RNLS: variants seen among roughly 807,000 people sequenced by gnomAD.
RNLS encodes the protein renalase.
In RNLS, 39 loss-of-function variants were observed where a neutral mutation model predicts 39.8. The observed-to-expected ratio is 0.98, with a 90% CI of 0.76 to 1.28. The LOEUF (loss-of-function observed/expected upper bound fraction) is 1.28. Ranked by LOEUF, RNLS falls within the 50% of genes most tolerant of loss-of-function variation. The pLI is 0.00. For missense variants in RNLS, 410 were observed against 413.3 expected, an observed-to-expected ratio of 0.99 and a Z score of 0.07; for synonymous variants, 147 against 150.7, an observed-to-expected ratio of 0.98 and a Z score of 0.18.
rs1174268534 is a variant in RNLS, at chr10:88,575,124, G to GTATA, written c.368-2067_368-2064dup. On this transcript the variant is annotated intron_variant, in intron 3 of 6. Transcript: ENST00000331772. ...CAATGGCCACAAGGTGTTCTGCAAA[G>GTATA]TATATATATATATATATATATATAT... Among the ~76,000 whole-genome samples the GTATA allele has an allele frequency of 2.7e-3, 268 of 98,888 alleles. 1 individual carries two copies. Among genetic ancestry groups the GTATA allele is most frequent in the Non-Finnish European group, 3.9e-3 (199 of 51,674 alleles). The allele number at this position is 98,888 out of a possible 152,430, so 64.9% of individuals were successfully genotyped here. A position where few individuals can be genotyped will look rare whatever the true frequency, so the allele number is the denominator to read the frequency against.
intron 4 of RNLS, among the ~76,000 whole-genome samples, chr10:88,427,512 A>AACT (rs772307753): frequency 3.9e-5 from 6 of 151,972 alleles, no homozygotes; most frequent in Non-Finnish European, 8.8e-5. Flanking sequence ...GACACATTTC[A>AACT]ACTTGTAAAC....
At chr10:88,354,215 A>C (rs1254413462) in intron 5 of RNLS, among the ~76,000 whole-genome samples, 1 of 152,180 alleles carries the variant, frequency 6.6e-6, no homozygotes, top group South Asian at 2.1e-4. Context: ...GCCTGTTTAC[A>C]TGTAAAGTTA....
At chr10:88,407,249 C>G (rs780111219) in intron 4 of RNLS, among the ~76,000 whole-genome samples, 27 of 151,974 alleles carry the variant, frequency 1.8e-4, no homozygotes, top group Admixed American at 1.7e-3. Flanking sequence ...ATGTGGAATA[C>G]GCCAGCCCAC....
chr10:88,545,580 C>A, intron 4 of RNLS: 2 of 412,902 alleles, frequency 4.8e-6, no homozygotes, highest in Non-Finnish European at 9.8e-6. Context: ...AGTTACCTCC[C>A]ACTGGGTCCC....
At chr10:88,421,438 G>A (rs946814866) in intron 4 of RNLS, among the ~76,000 whole-genome samples, 2 of 152,022 alleles carry the variant, frequency 1.3e-5, no homozygotes, top group African/African-American at 4.8e-5. Flanking sequence ...TCTGTGACAC[G>A]GCCTTGTCCC....
chr10:88,346,038 C>A (rs1307815970), intron 5 of RNLS, among the ~76,000 whole-genome samples: 1 of 152,010 alleles, frequency 6.6e-6, no homozygotes, highest in Admixed American at 6.6e-5. Context: ...ATGAACTCAT[C>A]ATTTATGGCA....
the RNLS span, among the ~76,000 whole-genome samples, chr10:88,268,568 AAAG>A: frequency 1.3e-5 from 2 of 152,216 alleles, no homozygotes; most frequent in Admixed American, 1.3e-4. Context: ...GGCTTAAGCG[AAAG>A]AAGAACTTAT....
At chr10:88,449,314 T>C (rs1842229894) in intron 4 of RNLS, among the ~76,000 whole-genome samples, 1 of 152,232 alleles carries the variant, frequency 6.6e-6, no homozygotes, top group Non-Finnish European at 1.5e-5. Context: ...TAAATGCTTG[T>C]TATTCCCAAA....
At chr10:88,312,651 TAAAAC>T (rs1320042606) in intron 6 of RNLS, among the ~76,000 whole-genome samples, 3 of 152,300 alleles carry the variant, frequency 2.0e-5, no homozygotes, top group Non-Finnish European at 2.9e-5. Flanking sequence ...TATAGAGAGT[TAAAAC>T]TAACAAACTC....
chr10:88,506,211 AG>A (rs1845784514), intron 4 of RNLS, among the ~76,000 whole-genome samples: 1 of 152,178 alleles, frequency 6.6e-6, no homozygotes, highest in Non-Finnish European at 1.5e-5. Flanking sequence ...AGAGCCAGGA[AG>A]AAATGGTGGA....
the RNLS span, among the ~76,000 whole-genome samples, chr10:88,188,184 A>G: frequency 6.6e-6 from 1 of 152,030 alleles, no homozygotes; most frequent in Non-Finnish European, 1.5e-5. Flanking sequence ...AGCCTCCTGC[A>G]TAGCTAGGAC....
chr10:88,454,467 G>C (rs988305667), intron 4 of RNLS, among the ~76,000 whole-genome samples: 5 of 152,186 alleles, frequency 3.3e-5, no homozygotes, highest in Admixed American at 2.0e-4. Flanking sequence ...ATTTTAGCAG[G>C]GGCTTTGTTC....
the RNLS span, among the ~76,000 whole-genome samples, chr10:88,206,922 G>C: frequency 6.6e-6 from 1 of 152,134 alleles, no homozygotes; most frequent in Non-Finnish European, 1.5e-5. Context: ...AGCCTTGCCT[G>C]ATATAAAATT....
At chr10:88,423,079 G>A (rs571192707) in intron 4 of RNLS, among the ~76,000 whole-genome samples, 73 of 152,198 alleles carry the variant, frequency 4.8e-4, no homozygotes, top group African/African-American at 1.4e-3. Flanking sequence ...AACACTTTTC[G>A]AAATGCAACA....
chr10:88,445,031 T>C (rs1243197272), intron 4 of RNLS, among the ~76,000 whole-genome samples: 2 of 151,528 alleles, frequency 1.3e-5, no homozygotes, highest in Admixed American at 1.3e-4. Context: ...TTCACCAAAG[T>C]TGAAATGACC....
intron 6 of RNLS, 89 bp downstream of exon 6, chr10:88,314,377 T>C (rs769668744): frequency 1.5e-6 from 2 of 1,326,632 alleles, no homozygotes; most frequent in South Asian, 1.4e-5. Flanking sequence ...TTTATTTCAC[T>C]AGAGAGTGCA....
At chr10:88,399,304 T>G (rs1276822257) in intron 4 of RNLS, among the ~76,000 whole-genome samples, 1 of 152,026 alleles carries the variant, frequency 6.6e-6, no homozygotes, top group Non-Finnish European at 1.5e-5. Context: ...AAAGAAATGT[T>G]CAGACAGAAA....
At chr10:88,327,149 G>A (rs1846680527) in intron 5 of RNLS, among the ~76,000 whole-genome samples, 1 of 152,106 alleles carries the variant, frequency 6.6e-6, no homozygotes, top group South Asian at 2.1e-4. Flanking sequence ...TTGGACATTT[G>A]GGTTTATGCT....
At chr10:88,443,702 G>C (rs1246693134) in intron 4 of RNLS, among the ~76,000 whole-genome samples, 1 of 152,252 alleles carries the variant, frequency 6.6e-6, no homozygotes, top group African/African-American at 2.4e-5. Flanking sequence ...CATGCCCACA[G>C]AGCGTTGCTC....
Sources: allele counts gnomAD v4.1 joint callset (sites outside exome capture counted in the v4.1 genomes callset), GRCh38; gene constraint gnomAD v4.1.1; transcripts MANE v1.5; gene names NCBI Gene and HGNC (gene_info 2026-07-23, HGNC 2026-07-21).